Variants in CBX2 observed in about 807,000 individuals in gnomAD.
CBX2 encodes chromobox protein homolog 2.
In CBX2, 11 loss-of-function variants were observed where a neutral mutation model predicts 21.0. The observed-to-expected ratio is 0.52, with a 90% CI of 0.33 to 0.87. The LOEUF is 0.87. Among genes scored for constraint, CBX2 ranks in the 40% least tolerant of loss-of-function variants. The pLI is 0.02. For missense variants in CBX2, 746 were observed against 724.3 expected (o/e 1.03, Z -0.34); for synonymous variants, 364 against 304.6 (o/e 1.19, Z -2.03).
In CBX2 at chr17:79,786,205, C is replaced by T. The variant is rs1302005252; in HGVS notation, c.*1163C>T. The T allele has an allele frequency of 6.5e-6, 1 of 152,744 alleles. No homozygotes were observed. Among genetic ancestry groups the T allele is most frequent in the Non-Finnish European group, 1.5e-5 (1 of 68,144 alleles). The allele number at this position is 152,744 out of a possible 1,614,324, so 9.5% of individuals were successfully genotyped here. Reference sequence around the variant, plus strand: ...CCATGGGCCCGTCTGCCGGCTCTGCCTGTGCTGCAAGTGTTGGCCGTGGGT... The same window carrying T: ...CCATGGGCCCGTCTGCCGGCTCTGCTTGTGCTGCAAGTGTTGGCCGTGGGT... On this transcript the variant is annotated 3_prime_UTR_variant, in exon 5 of 5. Transcript: ENST00000310942.
chr17:79,784,420 G>T lies in CBX2; in HGVS notation c.977G>T (p.Gly326Val), dbSNP rs782696333. ...AVEQKVGNTG[G>V]PPHTHGASRV... The stretch of plus-strand genomic sequence containing the variant: ...GAGCAGAAAGTGGGGAACACAGGGG[G>T]CCCCCCGCACACCCATGGTGCCAGC... The change falls in exon 5 of 5, where the codon GGC (glycine) becomes GTC (valine). Residue 326 changes from glycine to valine, a missense_variant. Gly to Val is a moderately radical substitution (Grantham distance 109). Around this residue, in one of 2 missense-constraint regions of CBX2, gnomAD observed 701 missense variants for 650.7 expected, o/e 1.08. Coordinates refer to ENST00000310942, the MANE Select transcript of CBX2 (RefSeq NM_005189.3). This position sits in a 1 kb window ranked among gnomAD's most constrained non-coding sequence, Gnocchi z 5.9. 6.2e-7 allele frequency: 1 copy of T among 1,611,656 alleles called. No homozygotes were observed. The highest frequency in any genetic ancestry group is 8.5e-7 in the Non-Finnish European group (1 of 1,179,366).
chr17:79,777,812 G>T (rs1461394874), upstream of CBX2, among the ~76,000 whole-genome samples: 1 of 151,716 alleles, frequency 6.6e-6, no homozygotes, highest in East Asian at 2.0e-4. Flanking sequence ...GGAAAACGGA[G>T]TTGGGAGCAA....
Position 79,786,861 on chromosome 17 carries a change from C to T in CBX2, c.*1819C>T, listed in dbSNP as rs1208175449. 6.5e-6 allele frequency: 1 copy of T among 152,714 alleles called. No individual in the cohort carries two copies. Among genetic ancestry groups the T allele is most frequent in the Admixed American group, 6.5e-5 (1 of 15,286 alleles). The allele number at this position is 152,714 out of a possible 1,614,324, so 9.5% of individuals were successfully genotyped here. ...ATAGGAAGAGGTGGCCTTGGTGTAGCCAAATGGATCTTTTTAACAGTGTGC... is the reference window on the plus strand; with the variant it reads ...ATAGGAAGAGGTGGCCTTGGTGTAGTCAAATGGATCTTTTTAACAGTGTGC... On this transcript the variant is annotated 3_prime_UTR_variant, in exon 5 of 5. Transcript: ENST00000310942.
rs1555832386 is a variant in CBX2 at position 79,787,600 on chromosome 17, TTG to T, written c.*2562_*2563del. 2 of 152,582 alleles carry T rather than the reference TTG, an allele frequency of 1.3e-5. No individual in the cohort carries two copies. The highest frequency in any genetic ancestry group is 3.4e-3 in the Middle Eastern group (1 of 294). 9.5% of individuals were successfully genotyped at this position (152,582 alleles called of 1,614,324 possible). A position where few individuals can be genotyped will look rare whatever the true frequency, so the allele number is the denominator to read the frequency against. On this transcript the variant is annotated 3_prime_UTR_variant, in exon 5 of 5. Transcript: ENST00000310942. ...CTGCTATTTGTGTGTGTGTTTGTGT[TTG>T]TGTAGCTAGGTATCTGGCACTTCTG... is the stretch of plus-strand genomic sequence containing the variant.
chr17:79,777,960 A>AC (rs1348895528), upstream of CBX2, among the ~76,000 whole-genome samples: 121 of 116,390 alleles, frequency 1.0e-3, no homozygotes, highest in Middle Eastern at 0.016. Flanking sequence ...CCCGCGCGGG[A>AC]CCCCCCGCCG....
intron 4 of CBX2, 168 bp downstream of exon 4, chr17:79,781,969 C>G (rs1555830426): frequency 1.2e-6 from 2 of 1,614,186 alleles, no homozygotes; most frequent in East Asian, 2.2e-5. Flanking sequence ...CTCTCAGCTT[C>G]TGCTGCCAGG....
chr17:79,782,146 G>T (rs148976689), intron 4 of CBX2: 6 of 1,612,874 alleles, frequency 3.7e-6, no homozygotes, highest in Non-Finnish European at 5.1e-6. Context: ...CATGCGTACA[G>T]TAGGTGCTCA....
chr17:79,783,785 G>C lies in CBX2; in HGVS notation c.342G>C (p.Thr114=). The change falls in exon 5 of 5, where the codon ACG becomes ACC. Residue 114 remains threonine (T), a synonymous_variant. Transcript: ENST00000310942. ...CCAGCAGTTCCTCCTCTTCCTCCAC[G>C]TCATCCTCCTCTTCCTCAGATGAAG... ...SKSSSSSSSS[T]SSSSSSDEED... 6.4e-7 allele frequency: 1 copy of C among 1,571,694 alleles called. No individual in the cohort carries two copies. Among genetic ancestry groups the C allele is most frequent in the Non-Finnish European group, 8.6e-7 (1 of 1,158,574 alleles).
chr17:79,784,161 G>A lies in CBX2; in HGVS notation c.718G>A (p.Gly240Ser). ...TPENLASLMK[G>S]MASSPGRGGI... is the part of the protein sequence containing the mutation. The stretch of plus-strand genomic sequence containing the variant: ...AGAGAACCTGGCCAGCCTAATGAAG[G>A]GCATGGCCAGTAGCCCCGGCCGGGG... The change falls in exon 5 of 5, where the codon GGC (glycine) becomes AGC (serine). Residue 240 changes from glycine (G) to serine (S), a missense_variant. Gly to Ser is a moderately conservative substitution (Grantham distance 56). Coordinates refer to ENST00000310942, the MANE Select transcript of CBX2 (RefSeq NM_005189.3). This position sits in a 1 kb window ranked among gnomAD's most constrained non-coding sequence, Gnocchi z 5.9. 6.2e-7 allele frequency: 1 copy of A among 1,612,682 alleles called. No individual in the cohort carries two copies. The highest frequency in any genetic ancestry group is 8.5e-7 in the Non-Finnish European group (1 of 1,179,880).
chr17:79,783,074 T>C (rs1485475953), intron 4 of CBX2, among the ~76,000 whole-genome samples: 1 of 152,244 alleles, frequency 6.6e-6, no homozygotes, highest in African/African-American at 2.4e-5. Flanking sequence ...TGTGATGCTC[T>C]GGATACAGTT....
At chr17:79,782,709 C>G (rs564226794) in intron 4 of CBX2, among the ~76,000 whole-genome samples, 24 of 152,174 alleles carry the variant, frequency 1.6e-4, no homozygotes, top group Non-Finnish European at 3.1e-4. Flanking sequence ...AGGAGTTCTG[C>G]TGACTGAGGA....
intron 3 of CBX2, among the ~76,000 whole-genome samples, chr17:79,780,162 T>TG (rs3833852): frequency 4.6e-5 from 7 of 152,152 alleles, no homozygotes; most frequent in African/African-American, 1.7e-4. Context: ...AATGGCAAGA[T>TG]GGGGGGTGGT....
In CBX2 at chr17:79,786,638, TAA is replaced by T. The variant is rs1187762938; in HGVS notation, c.*1599_*1600del. The T allele has an allele frequency of 6.5e-6, 1 of 152,736 alleles. No homozygotes were observed. Among genetic ancestry groups the T allele is most frequent in the Non-Finnish European group, 1.5e-5 (1 of 68,172 alleles). 9.5% of individuals were successfully genotyped at this position (152,736 alleles called of 1,614,324 possible). On this transcript the variant is annotated 3_prime_UTR_variant, in exon 5 of 5. Transcript: ENST00000310942. The stretch of plus-strand genomic sequence containing the variant: ...CACTAGGTCTTTGTGATGCCAAAAA[TAA>T]AAGAGGGTGGGGTGGGTGCTTTCTG...
At chr17:79,782,047 G>A (rs139276916) in intron 4 of CBX2, 194 of 1,613,810 alleles carry the variant, frequency 1.2e-4, no homozygotes, top group Non-Finnish European at 1.5e-4. Context: ...TGTCCTGCAC[G>A]CCTCTCTGCT....
chr17:79,782,202 C>T, intron 4 of CBX2: 3 of 1,609,722 alleles, frequency 1.9e-6, no homozygotes, highest in Non-Finnish European at 2.5e-6. Flanking sequence ...GATTTGGGGG[C>T]TACTCCGGGC....
chr17:79,782,223 G>A (rs1598223739), intron 4 of CBX2: 1 of 1,600,100 alleles, frequency 6.2e-7, no homozygotes, highest in East Asian at 2.3e-5. Flanking sequence ...CCACCTGCGG[G>A]TGCACCTTAA....
chr17:79,781,065 G>A lies in CBX2; in HGVS notation c.183-631G>A, dbSNP rs550348695. 1.8e-3 allele frequency among the ~76,000 whole-genome samples: 271 copies of A among 152,172 alleles called. 3 individuals carry two copies. Among genetic ancestry groups the A allele is most frequent in the African/African-American group, 6.3e-3 (262 of 41,518 alleles). On this transcript the variant is annotated intron_variant, in intron 3 of 4. Coordinates refer to ENST00000310942, the MANE Select transcript of CBX2 (RefSeq NM_005189.3). ...GTGTGGAGGCTCTTCTGGGGGCGGG[G>A]GGGGTACTGCGAGTGGTGCGTGCAT... is the stretch of plus-strand genomic sequence containing the variant.
At chr17:79,783,225 A>G (rs530707090) in intron 4 of CBX2, among the ~76,000 whole-genome samples, 2 of 151,992 alleles carry the variant, frequency 1.3e-5, no homozygotes, top group East Asian at 3.9e-4. Context: ...TTTTCTCTCT[A>G]TCTACCTTTA....
At position 79,781,781 on chromosome 17, in the gene CBX2, A is replaced by T. The variant is rs376555464; in HGVS notation, c.268A>T (p.Ser90Cys). 1.2e-6 allele frequency: 2 copies of T among 1,614,136 alleles called. No individual in the cohort carries two copies. Among genetic ancestry groups the T allele is most frequent in the African/African-American group, 2.7e-5 (2 of 75,046 alleles). The change falls in exon 4 of 5, where the codon AGC (serine) becomes TGC (cysteine). Residue 90 changes from serine (S) to cysteine (C), a missense_variant. Physicochemically the swap from Ser to Cys is moderately radical, Grantham distance 112. Around this residue, in one of 2 missense-constraint regions of CBX2, gnomAD observed 701 missense variants for 650.7 expected, o/e 1.08. Coordinates refer to ENST00000310942, the MANE Select transcript of CBX2 (RefSeq NM_005189.3). The stretch of plus-strand genomic sequence containing the variant: ...GAAGCTCACTGCCATGTCCTCCTGC[A>T]GCCGGCGCTCCAAGCTCAAGGTGGG... ...PRKLTAMSSC[S>C]RRSKLKEPDA...
Sources: gnomAD v4.1 joint callset for allele counts (sites outside exome capture counted in the v4.1 genomes callset) on GRCh38, gnomAD v4.1.1 for gene constraint, gnomAD v4.1.1 regional missense constraint, Gnocchi (gnomAD v3.1) non-coding constraint, MANE v1.5 for transcripts, NCBI Gene and HGNC (gene_info 2026-07-23, HGNC 2026-07-21) for gene names.